Variants in RPS6KC1 observed in about 807,000 individuals in gnomAD.
RPS6KC1 encodes the protein ribosomal protein S6 kinase C1, also known as inactive ribosomal protein S6 kinase delta-1.
In RPS6KC1, 54 loss-of-function variants were observed where a neutral mutation model predicts 103.8. That is an observed-to-expected ratio of 0.52 (90% confidence interval 0.42 to 0.65). The LOEUF (loss-of-function observed/expected upper bound fraction) is 0.65. Ranked by LOEUF, RPS6KC1 falls within the 30% of genes least tolerant of loss-of-function variation. The pLI is 0.00. For synonymous variants in RPS6KC1, 439 were observed against 438.7 expected, an observed-to-expected ratio of 1.00 and a Z score of -0.01; for missense variants, 1,151 against 1,253.8, an observed-to-expected ratio of 0.92 and a Z score of 1.24.
chr1:213,681,573 G>A, the RPS6KC1 span, among the ~76,000 whole-genome samples: 1 of 152,116 alleles, frequency 6.6e-6, no homozygotes, highest in Non-Finnish European at 1.5e-5. Flanking sequence ...GAGGCAGGAG[G>A]ATCACTTGAG....
At chr1:213,252,076 A>G (rs1021180710) in intron 12 of RPS6KC1, among the ~76,000 whole-genome samples, 2 of 152,236 alleles carry the variant, frequency 1.3e-5, no homozygotes, top group African/African-American at 4.8e-5. Flanking sequence ...GATACAAAAA[A>G]TGCTTTCTTC....
chr1:213,792,570 G>A, the RPS6KC1 span, among the ~76,000 whole-genome samples: 2 of 151,982 alleles, frequency 1.3e-5, no homozygotes, highest in Admixed American at 6.6e-5. Context: ...GCTCTTAATC[G>A]GATGCTAGGA....
chr1:213,519,210 C>T, the RPS6KC1 span, among the ~76,000 whole-genome samples: 16 of 152,200 alleles, frequency 1.1e-4, 1 homozygote, highest in South Asian at 1.0e-3. Flanking sequence ...ACCATGGTAA[C>T]AAAATCAGGT....
the RPS6KC1 span, among the ~76,000 whole-genome samples, chr1:213,803,819 C>G: frequency 6.6e-6 from 1 of 152,232 alleles, no homozygotes; most frequent in Admixed American, 6.5e-5. Flanking sequence ...CAAGTTGAAA[C>G]AGGTCATTCC....
the RPS6KC1 span, among the ~76,000 whole-genome samples, chr1:213,304,440 T>C: frequency 6.6e-6 from 1 of 152,128 alleles, no homozygotes; most frequent in African/African-American, 2.4e-5. Context: ...CAAAGATAAG[T>C]GTTGGTAACA....
chr1:213,732,348 A>AGTGTGTGTGTGT, the RPS6KC1 span, among the ~76,000 whole-genome samples: 1 of 79,122 alleles, frequency 1.3e-5, no homozygotes, highest in Middle Eastern at 6.7e-3. Flanking sequence ...TGTATGTATG[A>AGTGTGTGTGTGT]GTGTGCGTGT....
At chr1:213,802,655 A>C in the RPS6KC1 span, among the ~76,000 whole-genome samples, 822 of 152,338 alleles carry the variant, frequency 5.4e-3, 9 homozygotes, top group African/African-American at 0.019. Context: ...ACATTTCTAC[A>C]GTATTTGTAG....
At chr1:213,602,110 T>TTCTCTCTCTCTCTCTCTC in the RPS6KC1 span, among the ~76,000 whole-genome samples, 8 of 39,326 alleles carry the variant, frequency 2.0e-4, no homozygotes, top group African/African-American at 9.7e-4. Context: ...CTTTCTTTCT[T>TTCTCTCTCTCTCTCTCTC]TCTTTCTTTC....
At chr1:213,244,025 C>T (rs573154737) in intron 12 of RPS6KC1, among the ~76,000 whole-genome samples, 1 of 151,936 alleles carries the variant, frequency 6.6e-6, no homozygotes, top group Non-Finnish European at 1.5e-5. Context: ...TCTTTTCTTT[C>T]CTCCTTCTTC....
chr1:213,217,962 C>A (rs2093713600), intron 8 of RPS6KC1, among the ~76,000 whole-genome samples: 1 of 152,154 alleles, frequency 6.6e-6, no homozygotes, highest in South Asian at 2.1e-4. Context: ...AAAACTGGCA[C>A]AAGACAGGGA....
At chr1:213,794,541 G>A in the RPS6KC1 span, 1 of 152,110 alleles carries the variant, frequency 6.6e-6, no homozygotes, top group Non-Finnish European at 1.5e-5. Context: ...AAATTTTCCT[G>A]TATCAAAACC....
the RPS6KC1 span, among the ~76,000 whole-genome samples, chr1:213,631,731 CT>C: frequency 6.6e-6 from 1 of 152,076 alleles, no homozygotes; most frequent in Non-Finnish European, 1.5e-5. Context: ...TTTTGCTAAT[CT>C]AATGGGTATA....
the RPS6KC1 span, among the ~76,000 whole-genome samples, chr1:213,713,334 C>A: frequency 6.6e-6 from 1 of 152,162 alleles, no homozygotes. Flanking sequence ...ATCACTTTTT[C>A]TCCCTGAATT....
chr1:213,241,199 A>G lies in RPS6KC1; in HGVS notation c.1723A>G (p.Asn575Asp). The change falls in exon 11 of 15, where the codon AAC (asparagine) becomes GAC (aspartate). Residue 575 changes from asparagine to aspartate, a missense_variant. By Grantham distance (23) the Asn-to-Asp change is conservative. Coordinates refer to ENST00000366960, the MANE Select transcript of RPS6KC1 (RefSeq NM_012424.6). ...AGCTCACGAGCTGAAGTTCTTCCCC[A>G]ACGATGACCCAGAAGCAGTTAGTTC... is the stretch of plus-strand genomic sequence containing the variant. ...LRAHELKFFPNDDPEAVSSPR... is the reference protein window; with the variant it reads ...LRAHELKFFPDDDPEAVSSPR... The G allele has an allele frequency of 6.2e-7, 1 of 1,613,734 alleles. No individual in the cohort carries two copies. Among genetic ancestry groups the G allele is most frequent in the South Asian group, 1.1e-5 (1 of 91,054 alleles).
At chr1:213,797,309 A>G in the RPS6KC1 span, among the ~76,000 whole-genome samples, 1 of 152,214 alleles carries the variant, frequency 6.6e-6, no homozygotes, top group Admixed American at 6.5e-5. Flanking sequence ...TTCCATGGTA[A>G]AGAATATACA....
the RPS6KC1 span, among the ~76,000 whole-genome samples, chr1:213,824,900 C>A: frequency 3.3e-5 from 5 of 152,332 alleles, no homozygotes; most frequent in Non-Finnish European, 5.9e-5. Flanking sequence ...CTCCTGCAAT[C>A]CTGGCAGTGG....
chr1:213,224,967 A>G (rs1391999115), intron 8 of RPS6KC1, among the ~76,000 whole-genome samples: 6 of 152,168 alleles, frequency 3.9e-5, no homozygotes, highest in African/African-American at 7.2e-5. Context: ...GTACAGCTGT[A>G]TGGCTAATAA....
At chr1:213,598,527 A>C in the RPS6KC1 span, among the ~76,000 whole-genome samples, 2 of 152,102 alleles carry the variant, frequency 1.3e-5, no homozygotes, top group African/African-American at 4.8e-5. Context: ...AGAATCCCAC[A>C]ATCTGCTTTT....
At chr1:213,134,297 C>T (rs1168156438) in intron 6 of RPS6KC1, among the ~76,000 whole-genome samples, 1 of 151,902 alleles carries the variant, frequency 6.6e-6, no homozygotes, top group African/African-American at 2.4e-5. Context: ...TCCCCCTGCC[C>T]TTCTCACTCT....
Sources: allele counts gnomAD v4.1 joint callset (sites outside exome capture counted in the v4.1 genomes callset), GRCh38; gene constraint gnomAD v4.1.1; transcripts MANE v1.5; gene names NCBI Gene and HGNC (gene_info 2026-07-23, HGNC 2026-07-21).